The following PTPRM variants were observed in gnomAD, a reference collection of about 807,000 sequenced individuals.
PTPRM encodes protein tyrosine phosphatase receptor type M.
PTPRM carries 47 observed loss-of-function variants against 186.7 expected under a neutral mutation model. The ratio of observed to expected loss-of-function variants is 0.25; its 90% CI spans 0.20 to 0.32. The LOEUF is 0.32. Among genes scored for constraint, PTPRM ranks in the 10% least tolerant of loss-of-function variants. The pLI is 1.00. For synonymous variants in PTPRM, 668 were observed against 674.9 expected, an observed-to-expected ratio of 0.99 and a Z score of 0.16; for missense variants, 1,494 against 1,865.0, an observed-to-expected ratio of 0.80 and a Z score of 3.66.
intron 14 of PTPRM, among the ~76,000 whole-genome samples, chr18:8,177,828 G>A (rs754489131): frequency 2.0e-5 from 3 of 152,162 alleles, no homozygotes; most frequent in Non-Finnish European, 4.4e-5. Flanking sequence ...GTACATATTG[G>A]CATGCTTCCA....
rs375556356 is a variant in PTPRM at position 8,394,549 on chromosome 18, G to A, written c.4282G>A (p.Val1428Met). ...TGAGATGCTCCGGCACCAGAGAACC[G>A]TGGATGTCTTTCACGCTGTGAAGAC... ...VCEMLRHQRT[V>M]DVFHAVKTLR... The change falls in exon 32 of 33, where the codon GTG becomes ATG. Residue 1428 changes from valine (V) to methionine (M), a missense_variant. Around this residue, in one of 3 missense-constraint regions of PTPRM, gnomAD observed 1,107 missense variants for 1,350.2 expected, o/e 0.82. Coordinates refer to ENST00000580170, the MANE Select transcript of PTPRM (RefSeq NM_001105244.2). 1.9e-5 allele frequency: 31 copies of A among 1,613,606 alleles called. No individual in the cohort carries two copies. The highest frequency in any genetic ancestry group is 2.3e-5 in the Non-Finnish European group (27 of 1,179,858).
intron 8 of PTPRM, among the ~76,000 whole-genome samples, chr18:8,074,587 A>G (rs2089689998): frequency 6.6e-6 from 1 of 152,094 alleles, no homozygotes; most frequent in Non-Finnish European, 1.5e-5. Context: ...TCTTTTCGTT[A>G]TAGTAATGCT....
Position 7,985,088 on chromosome 18 carries a change from T to C in PTPRM, c.1132+29674T>C, listed in dbSNP as rs111211259. 5.1e-3 allele frequency among the ~76,000 whole-genome samples: 664 copies of C among 129,282 alleles called. 3 individuals are homozygous for C. Among genetic ancestry groups the C allele is most frequent in the African/African-American group, 8.7e-3 (292 of 33,732 alleles). 84.8% of individuals were successfully genotyped at this position (129,282 alleles called of 152,430 possible). A position where few individuals can be genotyped will look rare whatever the true frequency, so the allele number is the denominator to read the frequency against. On this transcript the variant is annotated intron_variant, in intron 7 of 32. Coordinates refer to ENST00000580170, the MANE Select transcript of PTPRM (RefSeq NM_001105244.2). ...AATTGTATATACATATATAAATATA[T>C]ACATATAATTATATATACATATAAT... is the stretch of plus-strand genomic sequence containing the variant.
At chr18:7,601,306 C>T (rs2037397141) in intron 1 of PTPRM, among the ~76,000 whole-genome samples, 1 of 152,168 alleles carries the variant, frequency 6.6e-6, no homozygotes, top group African/African-American at 2.4e-5. Flanking sequence ...TTTCTCTGCC[C>T]CCTTTTATTT....
At chr18:7,982,277 G>A (rs1257831786) in intron 7 of PTPRM, among the ~76,000 whole-genome samples, 4 of 143,302 alleles carry the variant, frequency 2.8e-5, no homozygotes, top group Admixed American at 6.9e-5. Context: ...CTGTTTTTAA[G>A]TTTTTACTTT....
intron 1 of PTPRM, among the ~76,000 whole-genome samples, chr18:7,716,298 G>A (rs1029037628): frequency 2.0e-5 from 3 of 151,806 alleles, no homozygotes; most frequent in African/African-American, 7.3e-5. Context: ...TGGGAAAACT[G>A]GCTAGCCATA....
chr18:7,773,790 G>T (rs1476671338), intron 1 of PTPRM, among the ~76,000 whole-genome samples: 1 of 152,102 alleles, frequency 6.6e-6, no homozygotes, highest in Non-Finnish European at 1.5e-5. Flanking sequence ...ATGTTGGCCA[G>T]GCTGGCCTCG....
intron 23 of PTPRM, among the ~76,000 whole-genome samples, chr18:8,357,566 G>A (rs904733651): frequency 3.9e-5 from 6 of 152,114 alleles, no homozygotes; most frequent in African/African-American, 1.4e-4. Context: ...TTCTTTGGAG[G>A]ACTCTCACGA....
intron 1 of PTPRM, among the ~76,000 whole-genome samples, chr18:7,653,148 A>G (rs1288539717): frequency 6.7e-6 from 1 of 149,364 alleles, no homozygotes; most frequent in Non-Finnish European, 1.5e-5. Flanking sequence ...TATTATTATT[A>G]TTATCATTAT....
At chr18:8,382,951 G>C (rs1324148956) in intron 29 of PTPRM, among the ~76,000 whole-genome samples, 2 of 152,160 alleles carry the variant, frequency 1.3e-5, no homozygotes, top group African/African-American at 4.8e-5. Context: ...TAATAAAGTA[G>C]TTCTCCCCTT....
At chr18:7,789,116 G>A (rs2043219569) in intron 2 of PTPRM, among the ~76,000 whole-genome samples, 1 of 152,120 alleles carries the variant, frequency 6.6e-6, no homozygotes, top group Admixed American at 6.5e-5. Flanking sequence ...GAGCCCAGAA[G>A]TTCAGTACCT....
intron 1 of PTPRM, among the ~76,000 whole-genome samples, chr18:7,593,563 C>T (rs548718069): frequency 6.6e-6 from 1 of 152,148 alleles, no homozygotes; most frequent in South Asian, 2.1e-4. Flanking sequence ...GGAGCTTCCC[C>T]CATGTACATG....
chr18:7,689,334 A>G (rs4277420), intron 1 of PTPRM, among the ~76,000 whole-genome samples: 82,232 of 152,080 alleles, frequency 0.54, 22,980 homozygotes, highest in East Asian at 0.94. Context: ...ATTGGGCTCA[A>G]AGGGCTGGAA....
At chr18:8,192,812 C>T (rs1275477740) in intron 14 of PTPRM, among the ~76,000 whole-genome samples, 1 of 152,120 alleles carries the variant, frequency 6.6e-6, no homozygotes, top group African/African-American at 2.4e-5. Context: ...ATTCACATGA[C>T]CTTCAAGTGT....
intron 2 of PTPRM, among the ~76,000 whole-genome samples, chr18:7,845,163 G>A (rs562127749): frequency 1.3e-5 from 2 of 152,268 alleles, no homozygotes; most frequent in Admixed American, 6.5e-5. Context: ...CAGCTTTTAA[G>A]AGTTGTTTTC....
At chr18:7,604,666 T>G (rs2037486800) in intron 1 of PTPRM, among the ~76,000 whole-genome samples, 1 of 152,170 alleles carries the variant, frequency 6.6e-6, no homozygotes. Flanking sequence ...TATTTTGACA[T>G]TACCTTCCAG....
At chr18:8,030,935 C>T (rs1409681034) in intron 7 of PTPRM, among the ~76,000 whole-genome samples, 3 of 152,140 alleles carry the variant, frequency 2.0e-5, no homozygotes, top group African/African-American at 7.2e-5. Flanking sequence ...CTGTGTACTA[C>T]CCAAAATTTT....
At chr18:8,391,758 G>T (rs1294321857) in intron 31 of PTPRM, among the ~76,000 whole-genome samples, 1 of 152,208 alleles carries the variant, frequency 6.6e-6, no homozygotes, top group African/African-American at 2.4e-5. Context: ...AACTGATTCA[G>T]AATTTCATAA....
intron 1 of PTPRM, among the ~76,000 whole-genome samples, chr18:7,599,913 A>T (rs1347900034): frequency 2.0e-5 from 3 of 152,092 alleles, no homozygotes; most frequent in Admixed American, 6.5e-5. Context: ...GGATCCATCC[A>T]CCTTGCTCCT....
Sources: gnomAD v4.1 joint callset for allele counts (sites outside exome capture counted in the v4.1 genomes callset) on GRCh38, gnomAD v4.1.1 for gene constraint, gnomAD v4.1.1 regional missense constraint, MANE v1.5 for transcripts, NCBI Gene and HGNC (gene_info 2026-07-23, HGNC 2026-07-21) for gene names.